Variants in GAB2 observed in about 807,000 individuals in gnomAD.
GAB2 encodes GRB2 associated binding protein 2, also known as GRB2-associated-binding protein 2.
A neutral mutation model predicts 65.5 loss-of-function variants in GAB2; 26 were observed. The observed-to-expected ratio is 0.40, with a 90% confidence interval of 0.29 to 0.55. The LOEUF is 0.55. Among genes scored for constraint, GAB2 ranks in the 20% least tolerant of loss-of-function variants. The pLI is 0.53. For missense variants in GAB2, 884 were observed against 875.8 expected, an observed-to-expected ratio of 1.01 and a Z score of -0.12; for synonymous variants, 321 against 329.6, an observed-to-expected ratio of 0.97 and a Z score of 0.28.
intron 1 of GAB2, among the ~76,000 whole-genome samples, chr11:78,376,929 C>G (rs1591074206): frequency 6.6e-6 from 1 of 152,262 alleles, no homozygotes; most frequent in African/African-American, 2.4e-5. Context: ...TCCCTCATGG[C>G]TTGGTGCTGT....
intron 8 of GAB2, 27 bp from the exon 9 acceptor site, chr11:78,220,471 G>A (rs753234406): frequency 1.3e-6 from 2 of 1,544,274 alleles, no homozygotes; most frequent in Non-Finnish European, 8.8e-7. Context: ...AAAACTGTGA[G>A]TGACTGCAGA....
intron 1 of GAB2, among the ~76,000 whole-genome samples, chr11:78,398,343 T>C (rs925142830): frequency 6.6e-6 from 1 of 152,216 alleles, no homozygotes; most frequent in Non-Finnish European, 1.5e-5. Context: ...CTGCACTGTA[T>C]ACAACAGTGA....
At chr11:78,263,141 C>T (rs1208741984) in intron 2 of GAB2, among the ~76,000 whole-genome samples, 2 of 152,142 alleles carry the variant, frequency 1.3e-5, no homozygotes, top group African/African-American at 4.8e-5. Context: ...AGTTCATCAC[C>T]AAGGATACAG....
intron 3 of GAB2, among the ~76,000 whole-genome samples, chr11:78,244,815 G>T (rs750856131): frequency 6.6e-6 from 1 of 152,138 alleles, no homozygotes; most frequent in African/African-American, 2.4e-5. Context: ...GGAGAAAAGG[G>T]AACTCTTACA....
In GAB2 at chr11:78,217,810, C is replaced by G. The variant is rs543665822; in HGVS notation, c.*1462G>C. 6.6e-6 allele frequency: 1 copy of G among 152,416 alleles called. No individual in the cohort carries two copies. Among genetic ancestry groups the G allele is most frequent in the South Asian group, 2.1e-4 (1 of 4,826 alleles). The allele number at this position is 152,416 out of a possible 1,614,324, so 9.4% of individuals were successfully genotyped here. A position where few individuals can be genotyped will look rare whatever the true frequency, so the allele number is the denominator to read the frequency against. On this transcript the variant is annotated 3_prime_UTR_variant, in exon 10 of 10. Coordinates refer to ENST00000361507, the MANE Select transcript of GAB2 (RefSeq NM_080491.3). ...AGAGGGCGGATGAGCTGAGGAAACA[C>G]TGGGCCGGCACCAGGCCAGACTCGT...
intron 1 of GAB2, among the ~76,000 whole-genome samples, chr11:78,352,220 A>G (rs1252400340): frequency 6.6e-6 from 1 of 152,210 alleles, no homozygotes; most frequent in African/African-American, 2.4e-5. Flanking sequence ...TCTCAAACAA[A>G]CAAACAAAAA....
chr11:78,241,612 A>G (rs1590958479), intron 3 of GAB2, among the ~76,000 whole-genome samples: 1 of 128,206 alleles, frequency 7.8e-6, no homozygotes, highest in South Asian at 2.1e-4. Flanking sequence ...AAAGAGAAAG[A>G]AAAAAAAAAA....
chr11:78,335,958 AAATT>A (rs1295936564), intron 1 of GAB2, among the ~76,000 whole-genome samples: 1 of 152,078 alleles, frequency 6.6e-6, no homozygotes, highest in Non-Finnish European at 1.5e-5. Context: ...TTTTTTAGTT[AAATT>A]AATTCCTAGG....
chr11:78,293,132 CAA>C (rs1866724772), intron 1 of GAB2, among the ~76,000 whole-genome samples: 1 of 152,170 alleles, frequency 6.6e-6, no homozygotes, highest in Non-Finnish European at 1.5e-5. Flanking sequence ...GCTCCTAGTC[CAA>C]AGTTATTTCC....
At chr11:78,244,013 A>G (rs1003132431) in intron 3 of GAB2, among the ~76,000 whole-genome samples, 1 of 152,182 alleles carries the variant, frequency 6.6e-6, no homozygotes, top group Admixed American at 6.6e-5. Flanking sequence ...TTTGCAAAAA[A>G]AAGTCTCCCA....
In GAB2 at chr11:78,323,790, C is replaced by CTT. The variant is rs749282969; in HGVS notation, c.76-42891_76-42890dup. Among the ~76,000 whole-genome samples the CTT allele has an allele frequency of 9.9e-3, 762 of 77,228 alleles. 19 individuals carry two copies. The highest frequency in any genetic ancestry group is 0.035 in the East Asian group (76 of 2,146). The allele number at this position is 77,228 out of a possible 152,430, so 50.7% of individuals were successfully genotyped here. A position where few individuals can be genotyped will look rare whatever the true frequency, so the allele number is the denominator to read the frequency against. On this transcript the variant is annotated intron_variant, in intron 1 of 9. Transcript: ENST00000361507. ...CTACACGTGTACCCCCTGAATCTTT[C>CTT]TTTTTTTTTTTTTTTTTTTTTTTTT... is the stretch of plus-strand genomic sequence containing the variant.
intron 1 of GAB2, among the ~76,000 whole-genome samples, chr11:78,343,209 T>C (rs1856126791): frequency 6.6e-6 from 1 of 152,198 alleles, no homozygotes; most frequent in Non-Finnish European, 1.5e-5. Context: ...TATCTAGAGA[T>C]GTAGACTGAC....
rs1469505353 is a variant in GAB2, at chr11:78,223,442, CA to C, written c.1536del (p.Val513SerfsTer18). 2 of 1,573,844 alleles carry C rather than the reference CA, an allele frequency of 1.3e-6. No individual in the cohort carries two copies. The highest frequency in any genetic ancestry group is 1.7e-6 in the Non-Finnish European group (2 of 1,158,506). ...CGATCAGGTTTGAGGTTGCGGTTGA[CA>C]GGGGGTGGCTGAATCTCACTTCCTC... ...PSRGSEIQPP[P>X]VNRNLKPDRK... is the part of the protein sequence containing the mutation. On this transcript the variant is annotated frameshift_variant, in exon 6 of 10. Coordinates refer to ENST00000361507, the MANE Select transcript of GAB2 (RefSeq NM_080491.3). LOFTEE classifies it high-confidence loss of function.
chr11:78,389,278 T>C (rs1856804195), intron 1 of GAB2, among the ~76,000 whole-genome samples: 1 of 152,062 alleles, frequency 6.6e-6, no homozygotes, highest in East Asian at 1.9e-4. Context: ...CTACCTTTTC[T>C]TTTAGAGAAT....
chr11:78,359,362 G>A (rs1274003849), intron 1 of GAB2, among the ~76,000 whole-genome samples: 1 of 152,122 alleles, frequency 6.6e-6, no homozygotes, highest in African/African-American at 2.4e-5. Context: ...GCAGAAGAAT[G>A]GCAATTAGAC....
At chr11:78,398,070 C>T (rs1245530282) in intron 1 of GAB2, among the ~76,000 whole-genome samples, 1 of 144,376 alleles carries the variant, frequency 6.9e-6, no homozygotes, top group Non-Finnish European at 1.5e-5. Context: ...ATGTTTTCCT[C>T]TAGGAAATTA....
intron 2 of GAB2, among the ~76,000 whole-genome samples, chr11:78,280,189 C>A (rs1199757163): frequency 1.3e-5 from 2 of 152,144 alleles, no homozygotes; most frequent in South Asian, 2.1e-4. Context: ...TGTGACTGTG[C>A]AGGATGGCCT....
At chr11:78,341,365 T>C (rs1422506709) in intron 1 of GAB2, among the ~76,000 whole-genome samples, 3 of 152,226 alleles carry the variant, frequency 2.0e-5, no homozygotes, top group East Asian at 1.9e-4. Context: ...GGAATAAGTA[T>C]AGAATACTAA....
At chr11:78,241,162 G>A (rs778828618) in intron 3 of GAB2, among the ~76,000 whole-genome samples, 4 of 152,208 alleles carry the variant, frequency 2.6e-5, no homozygotes, top group Non-Finnish European at 5.9e-5. Flanking sequence ...AACTTCTATA[G>A]TCTAGGCCAC....
Sources: gnomAD v4.1 joint callset for allele counts (sites outside exome capture counted in the v4.1 genomes callset) on GRCh38, gnomAD v4.1.1 for gene constraint, MANE v1.5 for transcripts, NCBI Gene and HGNC (gene_info 2026-07-23, HGNC 2026-07-21) for gene names.